Variants in HHLA2 observed in about 807,000 individuals in gnomAD.
HHLA2 encodes HHLA2 member of B7 family.
HHLA2 carries 48 observed loss-of-function variants against 45.9 expected under a neutral mutation model. The observed-to-expected ratio is 1.05, with a 90% CI of 0.83 to 1.33. The LOEUF (loss-of-function observed/expected upper bound fraction) is 1.33. Among genes scored for constraint, HHLA2 ranks in the 40% most tolerant of loss-of-function variants. HHLA2 has a pLI of 0.00. For synonymous variants in HHLA2, 161 were observed against 173.9 expected, an observed-to-expected ratio of 0.93 and a Z score of 0.59; for missense variants, 462 against 494.3, an observed-to-expected ratio of 0.93 and a Z score of 0.62.
At chr3:108,336,403 A>C (rs578126319) in intron 3 of HHLA2, among the ~76,000 whole-genome samples, 1 of 152,290 alleles carries the variant, frequency 6.6e-6, no homozygotes, top group South Asian at 2.1e-4. Flanking sequence ...GTGTCTAACA[A>C]TGATAACTAA....
At chr3:108,366,415 T>A (rs1183066264) in intron 8 of HHLA2, among the ~76,000 whole-genome samples, 5 of 152,250 alleles carry the variant, frequency 3.3e-5, no homozygotes, top group African/African-American at 1.2e-4. Context: ...TTGATGTTCA[T>A]CAGGGATATT....
intron 3 of HHLA2, among the ~76,000 whole-genome samples, chr3:108,331,095 C>T (rs181194092): frequency 1.3e-5 from 2 of 152,154 alleles, no homozygotes; most frequent in African/African-American, 2.4e-5. Context: ...CCACCCGGTT[C>T]GAGAATATGT....
chr3:108,370,357 T>C (rs1235459199), intron 8 of HHLA2, among the ~76,000 whole-genome samples: 1 of 152,006 alleles, frequency 6.6e-6, no homozygotes, highest in African/African-American at 2.4e-5. Context: ...CAAAGGTAGA[T>C]AAAACCACAA....
chr3:108,353,761 A>C (rs369199748), exon 5 of HHLA2: 2 of 1,610,968 alleles, frequency 1.2e-6, no homozygotes, highest in Non-Finnish European at 1.7e-6. Context: ...TTACAAACAA[A>C]GTGGTGCTAA....
At chr3:108,336,627 G>A (rs2081476059) in intron 3 of HHLA2, among the ~76,000 whole-genome samples, 1 of 152,066 alleles carries the variant, frequency 6.6e-6, no homozygotes, top group South Asian at 2.1e-4. Context: ...CCTAGTAAGG[G>A]GAGATGCAAT....
chr3:108,375,791 G>T, exon 9 of HHLA2: 1 of 1,610,750 alleles, frequency 6.2e-7, no homozygotes, highest in South Asian at 1.1e-5. Context: ...TGCTGATGGA[G>T]CCCAACAAGG....
At chr3:108,308,244 C>T (rs2925540) in intron 1 of HHLA2, among the ~76,000 whole-genome samples, 152,097 of 152,352 alleles carry the variant, frequency 1, 75,921 homozygotes, top group Middle Eastern at 1. Flanking sequence ...ATCCAACAAA[C>T]GAGTGAGAAC....
chr3:108,296,567 C>A (rs1490489995), exon 1 of HHLA2: 5 of 152,190 alleles, frequency 3.3e-5, no homozygotes, highest in Non-Finnish European at 7.3e-5. Context: ...GACTACTTAG[C>A]ATTTGACTAG....
At chr3:108,328,794 T>C (rs900734040) in intron 3 of HHLA2, among the ~76,000 whole-genome samples, 1 of 151,792 alleles carries the variant, frequency 6.6e-6, no homozygotes, top group Non-Finnish European at 1.5e-5. Flanking sequence ...CAGTAGTAGT[T>C]GTTATATAGG....
intron 8 of HHLA2, among the ~76,000 whole-genome samples, chr3:108,367,034 C>T (rs1223276575): frequency 6.6e-6 from 1 of 152,176 alleles, no homozygotes; most frequent in Non-Finnish European, 1.5e-5. Flanking sequence ...TGCTGTTCCG[C>T]AGCATCCACT....
At chr3:108,367,599 G>A (rs2082085718) in intron 8 of HHLA2, among the ~76,000 whole-genome samples, 1 of 151,736 alleles carries the variant, frequency 6.6e-6, no homozygotes, top group Non-Finnish European at 1.5e-5. Flanking sequence ...GCAGAAGAAA[G>A]GATATCAGAG....
chr3:108,330,921 G>A lies in HHLA2; in HGVS notation c.-27+2574G>A, dbSNP rs184054401. Among the ~76,000 whole-genome samples, 3 of 152,264 alleles carry A rather than the reference G, an allele frequency of 2.0e-5. No homozygotes were observed. In the East Asian group the frequency reaches 5.8e-4, roughly 29 times the overall value. ...ATAATGCCTGCTTGTGAAAGATAAG[G>A]GTTAGGTGAAGGTCTTCTCTGTCCA... On this transcript the variant is annotated intron_variant, in intron 3 of 10. Coordinates refer to ENST00000619531, the Ensembl canonical transcript of HHLA2.
At chr3:108,362,989 A>C (rs1236646042) in intron 8 of HHLA2, among the ~76,000 whole-genome samples, 2 of 152,144 alleles carry the variant, frequency 1.3e-5, no homozygotes, top group Admixed American at 6.6e-5. Flanking sequence ...AGTTTAGTCA[A>C]GGTTGGTGCT....
intron 3 of HHLA2, among the ~76,000 whole-genome samples, chr3:108,339,462 G>C (rs75746286): frequency 0.015 from 2,270 of 152,150 alleles, 42 homozygotes; most frequent in African/African-American, 0.051. Context: ...TAACCTCTCT[G>C]AACCTCAATG....
At chr3:108,356,403 CT>C (rs1212944776) in intron 6 of HHLA2, among the ~76,000 whole-genome samples, 1 of 151,072 alleles carries the variant, frequency 6.6e-6, no homozygotes, top group African/African-American at 2.4e-5. Context: ...TGGAGGTTAT[CT>C]TTTTTTTTCA....
chr3:108,376,522 T>C, exon 10 of HHLA2: 1 of 1,612,806 alleles, frequency 6.2e-7, no homozygotes, highest in Non-Finnish European at 8.5e-7. Flanking sequence ...TGGTGAGCGC[T>C]GTCCCAGTGC....
chr3:108,339,046 T>A (rs1045951139), intron 3 of HHLA2, among the ~76,000 whole-genome samples: 14 of 152,210 alleles, frequency 9.2e-5, no homozygotes, highest in Non-Finnish European at 2.1e-4. Context: ...TGTTAATAAT[T>A]AATGGAATGC....
At chr3:108,370,781 A>G (rs1373910415) in intron 8 of HHLA2, among the ~76,000 whole-genome samples, 1 of 152,248 alleles carries the variant, frequency 6.6e-6, no homozygotes, top group African/African-American at 2.4e-5. Flanking sequence ...TAGAGAAAAA[A>G]GAATTAAAAG....
At chr3:108,304,587 G>T (rs1052404484) in intron 1 of HHLA2, among the ~76,000 whole-genome samples, 2 of 152,124 alleles carry the variant, frequency 1.3e-5, no homozygotes, top group Non-Finnish European at 2.9e-5. Context: ...CCATTCTGAG[G>T]TTCTAGGTGG....
Sources: allele counts gnomAD v4.1 joint callset (sites outside exome capture counted in the v4.1 genomes callset), GRCh38; gene constraint gnomAD v4.1.1; transcripts MANE v1.5; gene names NCBI Gene and HGNC (gene_info 2026-07-23, HGNC 2026-07-21).